DDX60L: variants seen among roughly 807,000 people sequenced by gnomAD.
The protein encoded by DDX60L is DExD/H-box 60 like, also known as probable ATP-dependent RNA helicase DDX60-like.
Under a neutral mutation model 211.6 loss-of-function variants are expected in DDX60L, and 191 were observed. The observed-to-expected ratio is 0.90, with a 90% CI of 0.80 to 1.02. DDX60L has a LOEUF of 1.02. Ranked by LOEUF, DDX60L falls within the 50% of genes least tolerant of loss-of-function variation. The probability of loss-of-function intolerance (pLI) is 0.00; values close to 1 mark genes in which losing one functional copy is unlikely to be tolerated. For missense variants in DDX60L, 2,007 were observed against 1,984.1 expected, an observed-to-expected ratio of 1.01 and a Z score of -0.22; for synonymous variants, 706 against 694.1, an observed-to-expected ratio of 1.02 and a Z score of -0.27.
chr4:168,367,475 C>A (rs1740193072), intron 36 of DDX60L, among the ~76,000 whole-genome samples: 1 of 152,184 alleles, frequency 6.6e-6, no homozygotes, highest in African/African-American at 2.4e-5. Context: ...TCCAATAAAA[C>A]TTTTTCTTTT....
rs373219774 is a variant in DDX60L, at chr4:168,375,455, C to G, written c.4555G>C (p.Asp1519His). ...LYEYNLAVMKDFASFLLIASK... is the reference protein window; with the variant it reads ...LYEYNLAVMKHFASFLLIASK... ...GCAATCAGCAGGAAGGAGGCAAAAT[C>G]CTTCATTACTGCCAGGTTATACTCA... Residue 1519 changes from aspartate (D) to histidine (H), a missense_variant, in exon 34 of 38, where the codon GAT (aspartate) becomes CAT (histidine). Coordinates refer to ENST00000682922, the MANE Select transcript of DDX60L (RefSeq NM_001012967.3). The G allele has an allele frequency of 9.3e-6, 15 of 1,612,752 alleles. No homozygotes were observed. The highest frequency in any genetic ancestry group is 1.3e-5 in the African/African-American group (1 of 74,892).
intron 32 of DDX60L, 88 bp downstream of exon 32, chr4:168,379,275 A>G: frequency 8.6e-7 from 1 of 1,164,364 alleles, no homozygotes; most frequent in Non-Finnish European, 1.2e-6. Flanking sequence ...AATGAGAAGG[A>G]GGAAGAAGAG....
intron 10 of DDX60L, among the ~76,000 whole-genome samples, chr4:168,439,898 A>T (rs1753579561): frequency 6.6e-6 from 1 of 152,236 alleles, no homozygotes; most frequent in Non-Finnish European, 1.5e-5. Flanking sequence ...GATCAATCAT[A>T]GACTTGTGAA....
chr4:168,376,971 T>C (rs1579240455), intron 33 of DDX60L, among the ~76,000 whole-genome samples: 2 of 152,306 alleles, frequency 1.3e-5, no homozygotes, highest in East Asian at 1.9e-4. Context: ...ACACAGAACA[T>C]TGAGTAATTA....
At position 168,472,723 on chromosome 4, in the gene DDX60L, G is replaced by A; in HGVS notation, c.-24C>T. 6.2e-7 allele frequency: 1 copy of A among 1,612,522 alleles called. No homozygotes were observed. The highest frequency in any genetic ancestry group is 8.5e-7 in the Non-Finnish European group (1 of 1,179,382). ...ATCGTTGCTGCTTCTTGGGCTACAG[G>A]GTAGAAGAGTAGAGCTGGAATTTAT... On this transcript the variant is annotated 5_prime_UTR_variant, in exon 2 of 38. Coordinates refer to ENST00000682922, the MANE Select transcript of DDX60L (RefSeq NM_001012967.3).
intron 4 of DDX60L, among the ~76,000 whole-genome samples, chr4:168,464,441 G>C (rs1264345746): frequency 1.9e-5 from 1 of 53,880 alleles, no homozygotes; most frequent in African/African-American, 7.5e-5. Context: ...CTTTATAATT[G>C]TATTTTTTTT....
chr4:168,423,854 T>C (rs62334147), intron 14 of DDX60L, 80 bp from the exon 15 acceptor site: 155,709 of 889,848 alleles, frequency 0.17, 15,045 homozygotes, highest in Non-Finnish European at 0.19. Context: ...ATTGAGTTAA[T>C]CAATTAACCT....
chr4:168,474,316 T>G (rs1759206189), intron 1 of DDX60L, among the ~76,000 whole-genome samples: 2 of 152,134 alleles, frequency 1.3e-5, no homozygotes, highest in African/African-American at 4.8e-5. Context: ...AGCTTTTTTA[T>G]TAAGCACTGT....
At chr4:168,461,668 A>C in intron 5 of DDX60L, 31 bp downstream of exon 5, 1 of 1,395,908 alleles carries the variant, frequency 7.2e-7, no homozygotes. Context: ...ACAAGAAATC[A>C]GGAAAAAAAT....
chr4:168,394,606 C>G lies in DDX60L; in HGVS notation c.3669G>C (p.Arg1223Ser), dbSNP rs756392404. ...ITRNKDSTLE[R>S]VLPRVRFTRH... ...TTGTAAATCGCACTCGCGGTAATAC[C>G]CTCTCCAAAGTCTAAAACAAGAAAG... The change falls in exon 28 of 38, where the codon AGG becomes AGC. Residue 1223 changes from arginine to serine, a missense_variant. Physicochemically the swap from Arg to Ser is moderately radical, Grantham distance 110. Transcript: ENST00000682922. The G allele has an allele frequency of 6.3e-7, 1 of 1,599,300 alleles. No individual in the cohort carries two copies. Among genetic ancestry groups the G allele is most frequent in the South Asian group, 1.1e-5 (1 of 87,294 alleles).
intron 4 of DDX60L, among the ~76,000 whole-genome samples, chr4:168,462,964 AT>A (rs1312995822): frequency 3.3e-5 from 5 of 152,212 alleles, no homozygotes; most frequent in Non-Finnish European, 5.9e-5. Flanking sequence ...ATAATAAAAA[AT>A]GAGAGTTAAA....
intron 20 of DDX60L, 119 bp from the exon 21 acceptor site, chr4:168,415,918 T>G: frequency 1.1e-6 from 1 of 906,860 alleles, no homozygotes; most frequent in East Asian, 2.9e-5. Context: ...CCCTCTCAAT[T>G]TAAACCACCT....
chr4:168,427,409 C>G, intron 13 of DDX60L, 87 bp from the exon 14 acceptor site: 3 of 1,404,440 alleles, frequency 2.1e-6, no homozygotes, highest in Non-Finnish European at 2.9e-6. Flanking sequence ...TGTGCACTTA[C>G]TGAGGACTCT....
chr4:168,404,232 A>T, intron 24 of DDX60L, 126 bp from the exon 25 acceptor site: 1 of 590,248 alleles, frequency 1.7e-6, no homozygotes, highest in South Asian at 4.1e-5. Flanking sequence ...GTGGGTTTTT[A>T]AAATAGTCCT....
At chr4:168,393,233 C>A (rs555951799) in intron 28 of DDX60L, among the ~76,000 whole-genome samples, 1 of 152,188 alleles carries the variant, frequency 6.6e-6, no homozygotes, top group Non-Finnish European at 1.5e-5. Context: ...TGGTGGCTCA[C>A]GCCTGTAATA....
At chr4:168,398,865 C>A (rs1366286211) in intron 26 of DDX60L, among the ~76,000 whole-genome samples, 1 of 151,644 alleles carries the variant, frequency 6.6e-6, no homozygotes, top group Non-Finnish European at 1.5e-5. Context: ...GAGGACTCAA[C>A]AGGGCAACCA....
At chr4:168,378,109 C>T (rs1358284891) in intron 33 of DDX60L, among the ~76,000 whole-genome samples, 1 of 152,106 alleles carries the variant, frequency 6.6e-6, no homozygotes, top group Non-Finnish European at 1.5e-5. Context: ...ATCTCTGTTG[C>T]TACTGAATTA....
chr4:168,415,240 A>C (rs1280671430), intron 22 of DDX60L, among the ~76,000 whole-genome samples, 168 bp downstream of exon 22: 1 of 152,122 alleles, frequency 6.6e-6, no homozygotes, highest in African/African-American at 2.4e-5. Flanking sequence ...CAAAATTAAA[A>C]ATAAAAAATG....
At chr4:168,467,707 CA>C (rs1758194217) in intron 4 of DDX60L, among the ~76,000 whole-genome samples, 1 of 152,076 alleles carries the variant, frequency 6.6e-6, no homozygotes, top group South Asian at 2.1e-4. Flanking sequence ...ACTCTAGACC[CA>C]AATGGTTTCA....
Sources: gnomAD v4.1 joint callset for allele counts (sites outside exome capture counted in the v4.1 genomes callset) on GRCh38, gnomAD v4.1.1 for gene constraint, MANE v1.5 for transcripts, NCBI Gene and HGNC (gene_info 2026-07-23, HGNC 2026-07-21) for gene names.